CACNG3: variants seen among roughly 807,000 people sequenced by gnomAD.
The protein encoded by CACNG3 is voltage-dependent calcium channel gamma-3 subunit.
CACNG3 carries 3 observed loss-of-function variants against 28.5 expected under a neutral mutation model. That is an observed-to-expected ratio of 0.11 (90% CI 0.05 to 0.27). CACNG3 has a LOEUF of 0.27. Ranked by LOEUF, CACNG3 falls within the 10% of genes least tolerant of loss-of-function variation. The pLI is 1.00. For missense variants in CACNG3, 236 were observed against 414.4 expected (o/e 0.57, Z 3.74); for synonymous variants, 174 against 162.2 (o/e 1.07, Z -0.55).
intron 1 of CACNG3, among the ~76,000 whole-genome samples, chr16:24,324,212 G>A (rs1899504843): frequency 6.6e-6 from 1 of 152,220 alleles, no homozygotes; most frequent in Admixed American, 6.5e-5. Context: ...CACACAGCAA[G>A]TGGTGGATCT....
chr16:24,341,708 T>C (rs1396061138), intron 1 of CACNG3, among the ~76,000 whole-genome samples: 2 of 152,208 alleles, frequency 1.3e-5, no homozygotes, highest in Admixed American at 6.5e-5. Flanking sequence ...CATGCCTACG[T>C]GGGACACCAA....
chr16:24,258,638 G>A (rs1898500122), intron 1 of CACNG3, among the ~76,000 whole-genome samples: 1 of 152,174 alleles, frequency 6.6e-6, no homozygotes, highest in Non-Finnish European at 1.5e-5. Flanking sequence ...ATTTACCTCA[G>A]GGAAATTCCA....
chr16:24,267,049 C>T (rs1006520328), intron 1 of CACNG3, among the ~76,000 whole-genome samples: 3 of 151,524 alleles, frequency 2.0e-5, no homozygotes, highest in African/African-American at 7.3e-5. Flanking sequence ...TTAGTACAAC[C>T]TCTGCCTCCT....
chr16:24,327,137 A>AAC (rs1899560315), intron 1 of CACNG3, among the ~76,000 whole-genome samples: 1 of 148,168 alleles, frequency 6.7e-6, no homozygotes, highest in South Asian at 2.1e-4. Context: ...AAAAAAAAAA[A>AAC]AAAAAAAAAA....
intron 1 of CACNG3, among the ~76,000 whole-genome samples, chr16:24,293,917 C>A (rs193015472): frequency 2.5e-4 from 38 of 152,218 alleles, no homozygotes; most frequent in Admixed American, 2.4e-3. Flanking sequence ...AAAAAATAAG[C>A]CTTGAATCTT....
At position 24,350,478 on chromosome 16, in the gene CACNG3, T is replaced by A. The variant is rs976169048; in HGVS notation, c.295+3661T>A. On this transcript the variant is annotated intron_variant, in intron 2 of 3. Coordinates refer to ENST00000005284, the MANE Select transcript of CACNG3 (RefSeq NM_006539.4). ...ATGTCTGGCTAATTTCTTTTTACAT[T>A]TTTTGTAGAGTTGGGGTCCCCCTGT... is the stretch of plus-strand genomic sequence containing the variant. 2.6e-5 allele frequency among the ~76,000 whole-genome samples: 4 copies of A among 152,082 alleles called. No homozygotes were observed. The South Asian group carries it at 8.3e-4, about 32-fold the overall frequency.
chr16:24,327,761 G>A (rs1370107492), intron 1 of CACNG3, among the ~76,000 whole-genome samples: 1 of 151,962 alleles, frequency 6.6e-6, no homozygotes, highest in Non-Finnish European at 1.5e-5. Context: ...GGGCAACATA[G>A]TGAGACCACA....
chr16:24,293,357 G>C (rs1014058706), intron 1 of CACNG3, among the ~76,000 whole-genome samples: 3 of 152,022 alleles, frequency 2.0e-5, no homozygotes, highest in Non-Finnish European at 4.4e-5. Flanking sequence ...TTCATCCTCT[G>C]GTTCTCTTTA....
At chr16:24,339,972 A>C (rs894123510) in intron 1 of CACNG3, among the ~76,000 whole-genome samples, 2 of 152,170 alleles carry the variant, frequency 1.3e-5, no homozygotes, top group Non-Finnish European at 2.9e-5. Context: ...GAATATGGTT[A>C]ACAATAACTT....
intron 1 of CACNG3, among the ~76,000 whole-genome samples, chr16:24,338,607 A>T (rs185070111): frequency 6.6e-6 from 1 of 152,104 alleles, no homozygotes; most frequent in African/African-American, 2.4e-5. Flanking sequence ...GGCCTCCCAA[A>T]GTGCTGGGAT....
intron 2 of CACNG3, among the ~76,000 whole-genome samples, chr16:24,354,518 TG>T (rs1487841318): frequency 6.6e-6 from 1 of 151,812 alleles, no homozygotes; most frequent in Non-Finnish European, 1.5e-5. Context: ...AGGTAGAGAG[TG>T]GAGTTCCACA....
intron 1 of CACNG3, among the ~76,000 whole-genome samples, chr16:24,317,894 T>TGA (rs1293744287): frequency 6.6e-6 from 1 of 152,040 alleles, no homozygotes; most frequent in Non-Finnish European, 1.5e-5. Flanking sequence ...TGATGAGAGG[T>TGA]GAGAATTCCA....
At position 24,354,822 on chromosome 16, in the gene CACNG3, T is replaced by A. The variant is rs1378718911; in HGVS notation, c.296-11T>A. 1 of 1,610,964 alleles carries A rather than the reference T, an allele frequency of 6.2e-7. No homozygotes were observed. Among genetic ancestry groups the A allele is most frequent in the Non-Finnish European group, 8.5e-7 (1 of 1,179,198 alleles). Reference sequence around the variant, plus strand: ...GGGCACAGGCAGAAGCCTCTCTCCTTCTCTCCGCAGGAGCTGTGAGGGCCT... The same window carrying A: ...GGGCACAGGCAGAAGCCTCTCTCCTACTCTCCGCAGGAGCTGTGAGGGCCT... On this transcript the variant is annotated splice_polypyrimidine_tract_variant and intron_variant, in intron 2 of 3. Transcript: ENST00000005284.
In CACNG3 at chr16:24,348,359, A is replaced by T. The variant is rs1253732742; in HGVS notation, c.295+1542A>T. 2.0e-5 allele frequency among the ~76,000 whole-genome samples: 3 copies of T among 152,078 alleles called. 1 individual carries two copies. The highest frequency in any genetic ancestry group is 4.4e-5 in the Non-Finnish European group (3 of 68,024). Reference sequence around the variant, plus strand: ...CTGAGGCTGCAGTGCCATTGCAGTGATCGTGCCATTGCATTGATTGTGCCA... The same window carrying T: ...CTGAGGCTGCAGTGCCATTGCAGTGTTCGTGCCATTGCATTGATTGTGCCA... On this transcript the variant is annotated intron_variant, in intron 2 of 3. Coordinates refer to ENST00000005284, the MANE Select transcript of CACNG3 (RefSeq NM_006539.4).
At chr16:24,353,544 A>T in intron 2 of CACNG3, among the ~76,000 whole-genome samples, 1 of 152,138 alleles carries the variant, frequency 6.6e-6, no homozygotes, top group Non-Finnish European at 1.5e-5. Context: ...ATTTAATAAG[A>T]AGCTGACACA....
chr16:24,321,546 C>A (rs892282440), intron 1 of CACNG3, among the ~76,000 whole-genome samples: 1 of 152,094 alleles, frequency 6.6e-6, no homozygotes, highest in South Asian at 2.1e-4. Context: ...TTTAAGTAAC[C>A]CTAGTTTTAC....
chr16:24,264,808 G>C (rs191903799), intron 1 of CACNG3, among the ~76,000 whole-genome samples: 4 of 152,322 alleles, frequency 2.6e-5, no homozygotes, highest in East Asian at 3.9e-4. Flanking sequence ...TGCCTAAACT[G>C]TCAGTAAGAA....
intron 1 of CACNG3, among the ~76,000 whole-genome samples, chr16:24,324,961 C>T (rs1057255203): frequency 5.9e-5 from 9 of 152,230 alleles, no homozygotes; most frequent in Admixed American, 2.0e-4. Context: ...ACTCTGAGCC[C>T]CTTATGTTGA....
At chr16:24,353,616 C>T (rs749634813) in intron 2 of CACNG3, among the ~76,000 whole-genome samples, 2 of 152,166 alleles carry the variant, frequency 1.3e-5, no homozygotes, top group East Asian at 1.9e-4. Context: ...GCAGTGCCTG[C>T]GCCCTTGTGG....
Sources: allele counts gnomAD v4.1 joint callset (sites outside exome capture counted in the v4.1 genomes callset), GRCh38; gene constraint gnomAD v4.1.1; transcripts MANE v1.5; gene names NCBI Gene and HGNC (gene_info 2026-07-23, HGNC 2026-07-21).